The following GRIK4 variants were observed in gnomAD, a reference collection of about 807,000 sequenced individuals.
GRIK4 encodes the protein glutamate ionotropic receptor kainate type subunit 4, also known as glutamate receptor ionotropic, kainate 4.
Under a neutral mutation model 104.9 loss-of-function variants are expected in GRIK4, and 40 were observed. The observed-to-expected ratio is 0.38, with a 90% CI of 0.30 to 0.50. The LOEUF is 0.50. Ranked by LOEUF, GRIK4 falls within the 20% of genes least tolerant of loss-of-function variation. The probability of loss-of-function intolerance (pLI) is 0.93; values close to 1 mark genes in which losing one functional copy is unlikely to be tolerated. For missense variants in GRIK4, 1,047 were observed against 1,308.1 expected, an observed-to-expected ratio of 0.80 and a Z score of 3.08; for synonymous variants, 485 against 524.9, an observed-to-expected ratio of 0.92 and a Z score of 1.04.
chr11:120,950,097 C>G (rs983357252), intron 14 of GRIK4, among the ~76,000 whole-genome samples: 12 of 152,184 alleles, frequency 7.9e-5, no homozygotes, highest in Non-Finnish European at 1.6e-4. Flanking sequence ...CAGAATCTTG[C>G]AAGACACATA....
chr11:120,628,590 G>A (rs898398742), intron 1 of GRIK4, among the ~76,000 whole-genome samples: 5 of 152,180 alleles, frequency 3.3e-5, no homozygotes, highest in Non-Finnish European at 5.9e-5. Context: ...AAGGTTGATG[G>A]TCATGATGAC....
chr11:120,545,053 G>T (rs1948071967), intron 1 of GRIK4, among the ~76,000 whole-genome samples: 1 of 152,120 alleles, frequency 6.6e-6, no homozygotes. Flanking sequence ...GCTGACTGAA[G>T]GCCTCACAGC....
At chr11:120,833,884 T>C (rs1953501659) in intron 7 of GRIK4, among the ~76,000 whole-genome samples, 1 of 152,236 alleles carries the variant, frequency 6.6e-6, no homozygotes, top group Non-Finnish European at 1.5e-5. Context: ...CCGTGCATTT[T>C]CCCCATGTCA....
intron 1 of GRIK4, among the ~76,000 whole-genome samples, chr11:120,607,948 T>G (rs1298545069): frequency 6.6e-6 from 1 of 151,886 alleles, no homozygotes; most frequent in Non-Finnish European, 1.5e-5. Flanking sequence ...TGGAAGAGAT[T>G]GGAAAAGACA....
intron 1 of GRIK4, among the ~76,000 whole-genome samples, chr11:120,588,666 G>T (rs1948698585): frequency 6.6e-6 from 1 of 152,168 alleles, no homozygotes; most frequent in African/African-American, 2.4e-5. Flanking sequence ...GAGTTTGGCG[G>T]CAGGGGATAG....
At chr11:120,717,514 T>C (rs972429550) in intron 3 of GRIK4, among the ~76,000 whole-genome samples, 4 of 151,476 alleles carry the variant, frequency 2.6e-5, no homozygotes, top group Admixed American at 6.6e-5. Flanking sequence ...CCAGCCTGCA[T>C]AGAAAGACAC....
intron 13 of GRIK4, among the ~76,000 whole-genome samples, chr11:120,913,583 A>G (rs1565435366): frequency 6.6e-6 from 1 of 151,552 alleles, no homozygotes; most frequent in Non-Finnish European, 1.5e-5. Flanking sequence ...TTGGCATTCA[A>G]CTCCATGTTG....
intron 3 of GRIK4, among the ~76,000 whole-genome samples, chr11:120,683,332 C>G (rs4582985): frequency 0.55 from 83,120 of 151,928 alleles, 25,398 homozygotes; most frequent in African/African-American, 0.83. Context: ...GAAAGCTCAA[C>G]AATGACCAAG....
At chr11:120,647,559 T>G (rs929542214) in intron 1 of GRIK4, among the ~76,000 whole-genome samples, 1 of 152,114 alleles carries the variant, frequency 6.6e-6, no homozygotes, top group Admixed American at 6.5e-5. Flanking sequence ...CCAGATTTGG[T>G]TTTTTCACCA....
At chr11:120,942,439 T>C (rs10892649) in intron 14 of GRIK4, among the ~76,000 whole-genome samples, 113,568 of 152,110 alleles carry the variant, frequency 0.75, 43,111 homozygotes, top group East Asian at 1. Context: ...CTGTGGCTTG[T>C]GGTAGCCACT....
At chr11:120,929,856 G>A (rs977739972) in intron 13 of GRIK4, among the ~76,000 whole-genome samples, 2 of 152,182 alleles carry the variant, frequency 1.3e-5, no homozygotes, top group Admixed American at 1.3e-4. Context: ...TTAGGTTGGA[G>A]GATGTCTGAT....
At chr11:120,613,586 G>C (rs1478855972) in intron 1 of GRIK4, among the ~76,000 whole-genome samples, 1 of 152,208 alleles carries the variant, frequency 6.6e-6, no homozygotes, top group Non-Finnish European at 1.5e-5. Flanking sequence ...CATTGTTCTT[G>C]CTCCCTTGAA....
At chr11:120,666,023 G>T (rs1042821258) in intron 3 of GRIK4, among the ~76,000 whole-genome samples, 1 of 152,152 alleles carries the variant, frequency 6.6e-6, no homozygotes, top group African/African-American at 2.4e-5. Flanking sequence ...GATGAATTAG[G>T]CCTAGATATT....
chr11:120,538,701 G>T (rs552007742), intron 1 of GRIK4, among the ~76,000 whole-genome samples: 1 of 152,342 alleles, frequency 6.6e-6, no homozygotes, highest in Admixed American at 6.5e-5. Flanking sequence ...GCCCTCCTGG[G>T]TAACTACCTA....
intron 3 of GRIK4, among the ~76,000 whole-genome samples, chr11:120,699,323 G>A (rs541681044): frequency 1.3e-5 from 2 of 152,280 alleles, no homozygotes; most frequent in South Asian, 2.1e-4. Flanking sequence ...GAGCATGGAG[G>A]GCTGGTGGTC....
rs17311477 is a variant in GRIK4 at position 120,788,361 on chromosome 11, A to G, written c.83-14332A>G. Among the ~76,000 whole-genome samples, 530 of 152,112 alleles carry G rather than the reference A, an allele frequency of 3.5e-3. 18 individuals are homozygous for G. The East Asian group carries it at 0.043, about 12-fold the overall frequency. ...TTGCCGTCAGCAGCACGTGATCTCT[A>G]TATGTTCTTGTATGTGTCATTACCA... On this transcript the variant is annotated intron_variant, in intron 3 of 20. Coordinates refer to ENST00000527524, the MANE Select transcript of GRIK4 (RefSeq NM_014619.5).
chr11:120,963,997 T>TTA (rs10623083), intron 18 of GRIK4, among the ~76,000 whole-genome samples: 25,889 of 146,106 alleles, frequency 0.18, 2,678 homozygotes, highest in East Asian at 0.34. Context: ...ATTTATTTAT[T>TTA]TTTATTTATT....
rs1944403336 is a variant in GRIK4, at chr11:120,967,406, A to G, written c.2395+83A>G. The G allele has an allele frequency of 2.1e-6, 3 of 1,454,630 alleles. No homozygotes were observed. The highest frequency in any genetic ancestry group is 2.8e-6 in the Non-Finnish European group (3 of 1,069,696). The allele number at this position is 1,454,630 out of a possible 1,614,324, so 90.1% of individuals were successfully genotyped here. A position where few individuals can be genotyped will look rare whatever the true frequency, so the allele number is the denominator to read the frequency against. On this transcript the variant is annotated intron_variant, in intron 19 of 20. Coordinates refer to ENST00000527524, the MANE Select transcript of GRIK4 (RefSeq NM_014619.5). This position sits in a 1 kb window ranked among gnomAD's most constrained non-coding sequence, Gnocchi z 4.2. ...TCGTGTTCAAATTCCAGGTACACATAATGACTTGTAGGACCCATTGAGAAC... is the reference window on the plus strand; with the variant it reads ...TCGTGTTCAAATTCCAGGTACACATGATGACTTGTAGGACCCATTGAGAAC...
At chr11:120,943,689 A>T (rs1444725386) in intron 14 of GRIK4, among the ~76,000 whole-genome samples, 2 of 152,358 alleles carry the variant, frequency 1.3e-5, no homozygotes, top group East Asian at 3.8e-4. Context: ...ATCTATAAGG[A>T]TCGAGAATGT....
Sources: gnomAD v4.1 joint callset for allele counts (sites outside exome capture counted in the v4.1 genomes callset) on GRCh38, gnomAD v4.1.1 for gene constraint, Gnocchi (gnomAD v3.1) non-coding constraint, MANE v1.5 for transcripts, NCBI Gene and HGNC (gene_info 2026-07-23, HGNC 2026-07-21) for gene names.